The following SPMIP11 variants were observed in gnomAD, a reference collection of about 807,000 sequenced individuals.
The protein encoded by SPMIP11 is sperm microtubule inner protein 11.
At chr12:48,750,724 C>T in the SPMIP11 span, among the ~76,000 whole-genome samples, 2 of 152,180 alleles carry the variant, frequency 1.3e-5, no homozygotes, top group Non-Finnish European at 2.9e-5. Flanking sequence ...AATTCTATGT[C>T]CATTAATTCA....
chr12:48,744,298 T>C, the SPMIP11 span, among the ~76,000 whole-genome samples: 6 of 149,450 alleles, frequency 4.0e-5, no homozygotes, highest in Non-Finnish European at 8.9e-5. Flanking sequence ...CCCAGCTACT[T>C]GGGAGGCTGA....
the SPMIP11 span, among the ~76,000 whole-genome samples, chr12:48,769,419 A>C: frequency 1.3e-5 from 2 of 151,068 alleles, no homozygotes; most frequent in South Asian, 2.1e-4. Context: ...ATCTCAAAAA[A>C]AAAAAAAAAA....
the SPMIP11 span, chr12:48,771,055 G>T: frequency 7.3e-7 from 1 of 1,367,226 alleles, no homozygotes; most frequent in Non-Finnish European, 1.0e-6. The surrounding 1 kb of genome is among the most constrained non-coding windows in gnomAD (Gnocchi z 4.3). Context: ...CCACGCCTTG[G>T]CTGCCTTCCC....
the SPMIP11 span, among the ~76,000 whole-genome samples, chr12:48,760,402 T>A: frequency 7.2e-5 from 11 of 151,950 alleles, no homozygotes; most frequent in East Asian, 1.2e-3. Flanking sequence ...GGTGTCAAAC[T>A]CCCAGGCTCA....
chr12:48,734,091 T>C, the SPMIP11 span, among the ~76,000 whole-genome samples: 1 of 151,784 alleles, frequency 6.6e-6, no homozygotes, highest in African/African-American at 2.4e-5. Flanking sequence ...TGTATATTTA[T>C]TTATCCATTT....
At chr12:48,751,545 G>A in the SPMIP11 span, among the ~76,000 whole-genome samples, 2 of 152,164 alleles carry the variant, frequency 1.3e-5, no homozygotes, top group Admixed American at 6.5e-5. Context: ...GGTTGAGACT[G>A]CAGTGAGCCA....
the SPMIP11 span, among the ~76,000 whole-genome samples, chr12:48,761,799 C>T: frequency 1.4e-5 from 2 of 139,718 alleles, no homozygotes; most frequent in Non-Finnish European, 3.0e-5. Context: ...TTATAGCTCA[C>T]TACAGTCTCA....
chr12:48,741,647 C>CT, the SPMIP11 span, among the ~76,000 whole-genome samples: 3,742 of 133,594 alleles, frequency 0.028, 121 homozygotes, highest in African/African-American at 0.09. Flanking sequence ...TGTAAGTATT[C>CT]TTTTTTTTTT....
chr12:48,769,887 G>A, the SPMIP11 span, among the ~76,000 whole-genome samples: 3 of 150,186 alleles, frequency 2.0e-5, no homozygotes, highest in East Asian at 4.0e-4. Context: ...TCAGCCTCCC[G>A]AGTAGCTGGG....
the SPMIP11 span, among the ~76,000 whole-genome samples, chr12:48,769,759 GTT>G: frequency 5.8e-5 from 6 of 103,780 alleles, no homozygotes; most frequent in Admixed American, 3.0e-4. Flanking sequence ...ACTAATTTTT[GTT>G]TTTTTTTTTT....
At chr12:48,733,093 T>TA in the SPMIP11 span, among the ~76,000 whole-genome samples, 1 of 150,400 alleles carries the variant, frequency 6.6e-6, no homozygotes, top group African/African-American at 2.4e-5. Flanking sequence ...TTTTTTTTTT[T>TA]AGACTGAGTC....
the SPMIP11 span, chr12:48,765,708 GA>G: frequency 1.4e-6 from 1 of 702,092 alleles, no homozygotes; most frequent in South Asian, 1.5e-5. Context: ...TGCAGAGGGG[GA>G]AAGAAGGAGG....
the SPMIP11 span, among the ~76,000 whole-genome samples, chr12:48,747,435 C>T: frequency 6.6e-6 from 1 of 152,326 alleles, no homozygotes; most frequent in South Asian, 2.1e-4. Flanking sequence ...AAAGCCAAAA[C>T]TGTAGCAGGT....
the SPMIP11 span, among the ~76,000 whole-genome samples, chr12:48,734,069 C>T: frequency 6.6e-6 from 1 of 151,404 alleles, no homozygotes; most frequent in African/African-American, 2.4e-5. Flanking sequence ...ATCCCCCGCC[C>T]AGCCTATGTG....
chr12:48,736,139 C>A, the SPMIP11 span: 2 of 448,916 alleles, frequency 4.5e-6, no homozygotes, highest in Non-Finnish European at 8.9e-6. Context: ...CATGGTAGCT[C>A]ACGCCTGTAA....
the SPMIP11 span, among the ~76,000 whole-genome samples, chr12:48,752,650 C>A: frequency 4.6e-5 from 7 of 151,068 alleles, no homozygotes; most frequent in Non-Finnish European, 8.8e-5. Context: ...CAGCTTTGAA[C>A]CTTGCTCTCC....
chr12:48,757,483 TA>T, the SPMIP11 span, among the ~76,000 whole-genome samples: 1 of 150,780 alleles, frequency 6.6e-6, no homozygotes, highest in African/African-American at 2.4e-5. Flanking sequence ...CTGTCTCTAC[TA>T]AAAATACAAA....
chr12:48,744,362 C>T, the SPMIP11 span, among the ~76,000 whole-genome samples: 3 of 151,904 alleles, frequency 2.0e-5, no homozygotes, highest in Non-Finnish European at 2.9e-5. Context: ...GCTGAGATCA[C>T]GCCACTGTAC....
the SPMIP11 span, among the ~76,000 whole-genome samples, chr12:48,737,217 C>CTAGG: frequency 6.6e-6 from 1 of 152,026 alleles, no homozygotes; most frequent in Non-Finnish European, 1.5e-5. Context: ...TCCCAAAGTG[C>CTAGG]TAGGATTACA....
Sources: allele counts gnomAD v4.1 joint callset (sites outside exome capture counted in the v4.1 genomes callset), GRCh38; gene constraint gnomAD v4.1.1; non-coding constraint Gnocchi (gnomAD v3.1); transcripts MANE v1.5; gene names NCBI Gene and HGNC (gene_info 2026-07-23, HGNC 2026-07-21).